Variants in HS3ST5 observed in about 807,000 individuals in gnomAD.
HS3ST5 encodes heparan sulfate glucosamine 3-O-sulfotransferase 5.
A neutral mutation model predicts 25.4 loss-of-function variants in HS3ST5; 10 were observed. The observed-to-expected ratio is 0.39, with a 90% CI of 0.24 to 0.67. HS3ST5 has a LOEUF of 0.67. Among genes scored for constraint, HS3ST5 ranks in the 30% least tolerant of loss-of-function variants. The pLI, the probability that HS3ST5 is intolerant of heterozygous loss-of-function variation, is 0.44. For synonymous variants in HS3ST5, 170 were observed against 162.4 expected, an observed-to-expected ratio of 1.05 and a Z score of -0.36; for missense variants, 324 against 420.7, an observed-to-expected ratio of 0.77 and a Z score of 2.01.
intron 3 of HS3ST5, among the ~76,000 whole-genome samples, chr6:114,107,967 C>CT (rs1466820647): frequency 6.6e-6 from 1 of 151,942 alleles, no homozygotes; most frequent in Non-Finnish European, 1.5e-5. Flanking sequence ...TTCCAGTAGG[C>CT]TTTTTTGGGT....
intron 3 of HS3ST5, among the ~76,000 whole-genome samples, chr6:114,133,862 A>C (rs1209466800): frequency 6.6e-6 from 1 of 151,930 alleles, no homozygotes; most frequent in Non-Finnish European, 1.5e-5. Context: ...TATAAGATGA[A>C]TCTTGAGCAT....
At position 114,277,322 on chromosome 6, in the gene HS3ST5, T is replaced by A. The variant is rs1773904105; in HGVS notation, c.-338-48544A>T. 3.3e-5 allele frequency among the ~76,000 whole-genome samples: 5 copies of A among 151,556 alleles called. No homozygotes were observed. In the South Asian group the frequency reaches 1.0e-3, roughly 31 times the overall value. On this transcript the variant is annotated intron_variant, in intron 1 of 4. Coordinates refer to ENST00000312719, the MANE Select transcript of HS3ST5 (RefSeq NM_153612.4). Reference sequence around the variant, plus strand: ...GTATTGTCTGCCCATGGTGGATAAGTAATAAGCAGAACTAGGAAAAGGAAA... The same window carrying A: ...GTATTGTCTGCCCATGGTGGATAAGAAATAAGCAGAACTAGGAAAAGGAAA...
intron 2 of HS3ST5, among the ~76,000 whole-genome samples, chr6:114,196,129 A>T (rs1054285652): frequency 2.6e-5 from 4 of 152,130 alleles, no homozygotes; most frequent in African/African-American, 7.2e-5. Flanking sequence ...TCTTTCACTT[A>T]TTAAACTTTC....
chr6:114,297,815 A>G (rs1774892631), intron 1 of HS3ST5, among the ~76,000 whole-genome samples: 2 of 152,248 alleles, frequency 1.3e-5, no homozygotes, highest in South Asian at 2.1e-4. Context: ...GCATAGCCCA[A>G]GCTGCCAAAA....
At chr6:114,065,507 G>A (rs1443061032) in intron 3 of HS3ST5, among the ~76,000 whole-genome samples, 1 of 152,182 alleles carries the variant, frequency 6.6e-6, no homozygotes, top group African/African-American at 2.4e-5. Flanking sequence ...TGGATTCTCT[G>A]GGGTTTCCTT....
intron 3 of HS3ST5, among the ~76,000 whole-genome samples, chr6:114,095,086 A>C (rs896662144): frequency 3.3e-5 from 5 of 152,194 alleles, no homozygotes; most frequent in Non-Finnish European, 1.5e-5. Context: ...GCCATGCCCA[A>C]ACTCATGCCC....
intron 1 of HS3ST5, among the ~76,000 whole-genome samples, chr6:114,260,247 A>G (rs1332084174): frequency 3.9e-5 from 6 of 152,170 alleles, no homozygotes; most frequent in Admixed American, 3.9e-4. Context: ...TATCGCTTTG[A>G]TGAACATAAC....
intron 3 of HS3ST5, among the ~76,000 whole-genome samples, chr6:114,131,821 A>G (rs1443228218): frequency 6.6e-6 from 1 of 152,190 alleles, no homozygotes; most frequent in Non-Finnish European, 1.5e-5. Flanking sequence ...ATTCATTATC[A>G]GTGGTCACAA....
chr6:114,221,654 T>C (rs538865472), intron 2 of HS3ST5, among the ~76,000 whole-genome samples: 2 of 151,782 alleles, frequency 1.3e-5, no homozygotes, highest in South Asian at 2.1e-4. Context: ...AAAATATATA[T>C]TCAAATGTAA....
intron 1 of HS3ST5, among the ~76,000 whole-genome samples, chr6:114,256,208 G>A (rs1475277788): frequency 6.6e-6 from 1 of 151,986 alleles, no homozygotes; most frequent in Non-Finnish European, 1.5e-5. Context: ...CTAACACAGT[G>A]AAACCTCGTC....
At chr6:114,146,709 G>T (rs1778182091) in intron 3 of HS3ST5, among the ~76,000 whole-genome samples, 1 of 152,154 alleles carries the variant, frequency 6.6e-6, no homozygotes, top group Admixed American at 6.5e-5. Flanking sequence ...ATCCCTCATG[G>T]CTTGGTGCGT....
chr6:114,066,453 G>A (rs1380631412), intron 3 of HS3ST5, among the ~76,000 whole-genome samples: 1 of 152,166 alleles, frequency 6.6e-6, no homozygotes, highest in Non-Finnish European at 1.5e-5. Context: ...GGACAACATG[G>A]TGAAACCCCA....
chr6:114,303,514 A>AT (rs754384205), intron 1 of HS3ST5, among the ~76,000 whole-genome samples: 158 of 151,196 alleles, frequency 1.0e-3, no homozygotes, highest in Non-Finnish European at 1.6e-3. Context: ...TTTAAAAACA[A>AT]TTTTTTTTTA....
intron 2 of HS3ST5, among the ~76,000 whole-genome samples, chr6:114,225,695 T>A (rs2114510534): frequency 6.6e-6 from 1 of 152,042 alleles, no homozygotes; most frequent in South Asian, 2.1e-4. Flanking sequence ...TTGATAATTG[T>A]CATTGTGTTC....
chr6:114,245,140 A>G (rs1376102446), intron 1 of HS3ST5, among the ~76,000 whole-genome samples: 1 of 152,212 alleles, frequency 6.6e-6, no homozygotes, highest in Non-Finnish European at 1.5e-5. Context: ...TTACATATCT[A>G]CAGTTTGCAA....
intron 3 of HS3ST5, among the ~76,000 whole-genome samples, chr6:114,135,965 T>A (rs897390597): frequency 6.6e-6 from 1 of 152,196 alleles, no homozygotes; most frequent in African/African-American, 2.4e-5. Flanking sequence ...CATGTTAGAA[T>A]CCCATACCAG....
chr6:114,152,448 T>C (rs1778502779), intron 3 of HS3ST5, among the ~76,000 whole-genome samples: 1 of 152,174 alleles, frequency 6.6e-6, no homozygotes, highest in African/African-American at 2.4e-5. Context: ...CTTTTGAGGA[T>C]ATCATTTCCT....
At chr6:114,207,131 A>G (rs1426774749) in intron 2 of HS3ST5, among the ~76,000 whole-genome samples, 1 of 152,208 alleles carries the variant, frequency 6.6e-6, no homozygotes, top group Non-Finnish European at 1.5e-5. Context: ...AGCCAAGTAA[A>G]TCACATTGCA....
chr6:114,332,662 T>G (rs573686473), intron 1 of HS3ST5, among the ~76,000 whole-genome samples: 1 of 152,168 alleles, frequency 6.6e-6, no homozygotes, highest in South Asian at 2.1e-4. Flanking sequence ...TGTGTGTGCG[T>G]GACAGGGGAA....
Sources: allele counts gnomAD v4.1 joint callset (sites outside exome capture counted in the v4.1 genomes callset), GRCh38; gene constraint gnomAD v4.1.1; transcripts MANE v1.5; gene names NCBI Gene and HGNC (gene_info 2026-07-23, HGNC 2026-07-21).